ZNF804B: variants seen among roughly 807,000 people sequenced by gnomAD.
ZNF804B encodes zinc finger protein 804B, also known as zinc finger 804B.
A neutral mutation model predicts 101.4 loss-of-function variants in ZNF804B; 80 were observed. The ratio of observed to expected loss-of-function variants is 0.79; its 90% CI spans 0.66 to 0.95. The LOEUF (loss-of-function observed/expected upper bound fraction) is 0.95, where lower values mean the gene tolerates loss of function less well. Among genes scored for constraint, ZNF804B ranks in the 40% least tolerant of loss-of-function variants. The pLI is 0.00. For synonymous variants in ZNF804B, 622 were observed against 558.8 expected (o/e 1.11, Z -1.59); for missense variants, 1,673 against 1,561.9 (o/e 1.07, Z -1.20).
chr7:88,870,048 C>T (rs914709864), intron 1 of ZNF804B, among the ~76,000 whole-genome samples: 1 of 152,158 alleles, frequency 6.6e-6, no homozygotes, highest in African/African-American at 2.4e-5. Context: ...AATTCTACCA[C>T]AGACCAGGCC....
intron 1 of ZNF804B, among the ~76,000 whole-genome samples, chr7:88,873,789 G>T (rs973655629): frequency 6.6e-6 from 1 of 152,074 alleles, no homozygotes; most frequent in African/African-American, 2.4e-5. Context: ...TAGATATGCG[G>T]CATTATTTCT....
intron 1 of ZNF804B, among the ~76,000 whole-genome samples, chr7:89,191,587 C>A (rs1788455844): frequency 1.3e-5 from 2 of 152,084 alleles, no homozygotes; most frequent in Admixed American, 6.6e-5. Context: ...CTGTCTTACC[C>A]ACTGAAGCAG....
intron 1 of ZNF804B, among the ~76,000 whole-genome samples, chr7:89,130,473 C>T (rs946609708): frequency 8.6e-5 from 13 of 151,988 alleles, no homozygotes; most frequent in African/African-American, 3.1e-4. Flanking sequence ...GCATCTGTCA[C>T]ATCTGCCTAT....
chr7:89,029,526 T>C (rs951184568), intron 1 of ZNF804B, among the ~76,000 whole-genome samples: 7 of 152,190 alleles, frequency 4.6e-5, no homozygotes, highest in Admixed American at 3.9e-4. Context: ...AGCAAGCTAT[T>C]TAATTTTCTT....
chr7:88,778,808 G>A (rs1302975326), intron 1 of ZNF804B, among the ~76,000 whole-genome samples: 1 of 152,206 alleles, frequency 6.6e-6, no homozygotes, highest in South Asian at 2.1e-4. Context: ...CATTGTACTA[G>A]CTGGTGGAGC....
At chr7:89,117,446 T>C (rs1790328288) in intron 1 of ZNF804B, among the ~76,000 whole-genome samples, 1 of 152,184 alleles carries the variant, frequency 6.6e-6, no homozygotes. Flanking sequence ...ATTATTCTTA[T>C]AAAAACCTGC....
At chr7:88,762,473 C>T (rs907486015) in intron 1 of ZNF804B, among the ~76,000 whole-genome samples, 1 of 152,140 alleles carries the variant, frequency 6.6e-6, no homozygotes, top group Non-Finnish European at 1.5e-5. Context: ...CACTTGAAAA[C>T]TTTCCTAATC....
At chr7:89,064,902 C>T (rs990276394) in intron 1 of ZNF804B, among the ~76,000 whole-genome samples, 3 of 152,058 alleles carry the variant, frequency 2.0e-5, no homozygotes, top group African/African-American at 7.2e-5. Flanking sequence ...TAAGAGTCAT[C>T]GAGAAAGGCA....
chr7:88,929,700 G>GAA (rs1314438256), intron 1 of ZNF804B, among the ~76,000 whole-genome samples: 1 of 151,772 alleles, frequency 6.6e-6, no homozygotes, highest in Non-Finnish European at 1.5e-5. Flanking sequence ...GTTAGTCTTT[G>GAA]AACAACAACA....
At chr7:89,163,013 T>G (rs1299366360) in intron 1 of ZNF804B, among the ~76,000 whole-genome samples, 3 of 152,018 alleles carry the variant, frequency 2.0e-5, no homozygotes, top group Non-Finnish European at 4.4e-5. Flanking sequence ...TCATCATTTT[T>G]TATGGCTGCA....
intron 1 of ZNF804B, among the ~76,000 whole-genome samples, chr7:88,930,684 G>T (rs1457836326): frequency 6.6e-6 from 1 of 151,816 alleles, no homozygotes; most frequent in East Asian, 1.9e-4. Context: ...AGAGTTAATG[G>T]CCTAGAATGC....
In ZNF804B at chr7:88,857,492, C is replaced by CA. The variant is rs762527461; in HGVS notation, c.108+97415dup. Among the ~76,000 whole-genome samples, 134 of 152,210 alleles carry CA rather than the reference C, an allele frequency of 8.8e-4. 1 individual carries two copies. The highest frequency in any genetic ancestry group is 2.2e-3 in the Admixed American group (33 of 15,274). On this transcript the variant is annotated intron_variant, in intron 1 of 3. Transcript: ENST00000333190. Reference sequence around the variant, plus strand: ...AGAGAATACTATCAACAACTCTACACAAAAAAACTAGAAAATCTAGAAGAA... The same window carrying CA: ...AGAGAATACTATCAACAACTCTACACAAAAAAAACTAGAAAATCTAGAAGAA...
At chr7:88,873,220 T>G (rs898425677) in intron 1 of ZNF804B, among the ~76,000 whole-genome samples, 10 of 152,268 alleles carry the variant, frequency 6.6e-5, no homozygotes, top group South Asian at 2.1e-4. Context: ...CTGATGGCCA[T>G]TGATGGTGAG....
intron 1 of ZNF804B, among the ~76,000 whole-genome samples, chr7:89,037,454 T>C (rs757806083): frequency 6.6e-6 from 1 of 151,884 alleles, no homozygotes; most frequent in African/African-American, 2.4e-5. Flanking sequence ...AGGGTGCACA[T>C]TTAGATTATA....
intron 2 of ZNF804B, among the ~76,000 whole-genome samples, chr7:89,325,677 T>C (rs1790885995): frequency 6.6e-6 from 1 of 151,970 alleles, no homozygotes; most frequent in Non-Finnish European, 1.5e-5. Context: ...GTGTCAATTG[T>C]TGTGAGTAAA....
At chr7:88,884,458 C>A in intron 1 of ZNF804B, among the ~76,000 whole-genome samples, 1 of 151,456 alleles carries the variant, frequency 6.6e-6, no homozygotes, top group African/African-American at 2.4e-5. Context: ...ATCTATCTAT[C>A]TTCTATCTAT....
chr7:89,140,376 A>C lies in ZNF804B; in HGVS notation c.109-77779A>C, dbSNP rs547689403. 5.9e-5 allele frequency among the ~76,000 whole-genome samples: 9 copies of C among 152,168 alleles called. No homozygotes were observed. The South Asian group carries it at 1.9e-3, about 32-fold the overall frequency. On this transcript the variant is annotated intron_variant, in intron 1 of 3. Coordinates refer to ENST00000333190, the MANE Select transcript of ZNF804B (RefSeq NM_181646.5). ...AACAAGAGAGGCGGCCTGTCATTGAAAGCTTTAGAGCCAGATTTTGACTTT... is the reference window on the plus strand; with the variant it reads ...AACAAGAGAGGCGGCCTGTCATTGACAGCTTTAGAGCCAGATTTTGACTTT...
chr7:88,795,634 A>G (rs1790468863), intron 1 of ZNF804B: 1 of 151,870 alleles, frequency 6.6e-6, no homozygotes, highest in South Asian at 2.1e-4. Context: ...TTCCAGGTCA[A>G]CTTACCATTT....
chr7:89,054,032 A>T (rs75302903), intron 1 of ZNF804B, among the ~76,000 whole-genome samples: 3 of 151,910 alleles, frequency 2.0e-5, no homozygotes, highest in African/African-American at 7.2e-5. Flanking sequence ...TCACAACTAT[A>T]GCTATGGTGC....
Sources: gnomAD v4.1 joint callset for allele counts (sites outside exome capture counted in the v4.1 genomes callset) on GRCh38, gnomAD v4.1.1 for gene constraint, MANE v1.5 for transcripts, NCBI Gene and HGNC (gene_info 2026-07-23, HGNC 2026-07-21) for gene names.